The following CTTN variants were observed in gnomAD, a reference collection of about 807,000 sequenced individuals.
CTTN encodes the protein cortactin.
CTTN carries 28 observed loss-of-function variants against 84.0 expected under a neutral mutation model. That is an observed-to-expected ratio of 0.33 (90% confidence interval 0.25 to 0.46). The LOEUF is 0.46. Among genes scored for constraint, CTTN ranks in the 20% least tolerant of loss-of-function variants. The probability of loss-of-function intolerance (pLI) is 1.00; values close to 1 mark genes in which losing one functional copy is unlikely to be tolerated. For missense variants in CTTN, 641 were observed against 723.8 expected (o/e 0.89, Z 1.31); for synonymous variants, 301 against 288.8 (o/e 1.04, Z -0.43).
chr11:70,432,985 C>A (rs1268069649), intron 15 of CTTN, 116 bp from the exon 16 acceptor site: 9 of 1,147,072 alleles, frequency 7.8e-6, no homozygotes, highest in Non-Finnish European at 1.1e-5. Context: ...TTTCTCAGTC[C>A]TGGCTGGGAC....
intron 11 of CTTN, chr11:70,422,136 A>ACCATATG: frequency 3.6e-6 from 1 of 274,146 alleles, no homozygotes; most frequent in Non-Finnish European, 7.3e-6. Flanking sequence ...TGTGTGTAAC[A>ACCATATG]TCTCCACACA....
intron 12 of CTTN, 121 bp from the exon 13 acceptor site, chr11:70,425,211 G>A: frequency 1.4e-6 from 1 of 733,202 alleles, no homozygotes; most frequent in Non-Finnish European, 2.4e-6. Context: ...AGAGTGCTCT[G>A]GGCTGTGTGG....
chr11:70,433,734 A>G lies in CTTN; in HGVS notation c.1516+16A>G, dbSNP rs61885861. The G allele has an allele frequency of 9.8e-3, 15,647 of 1,598,412 alleles. 112 individuals carry two copies. The highest frequency in any genetic ancestry group is 0.011 in the Non-Finnish European group (13,053 of 1,165,740). On this transcript the variant is annotated intron_variant, in intron 17 of 17. Transcript: ENST00000301843. ...TACCAGGCTGGTGAGCGGCCTGCAAAAGCACTTGGAGGGGAGACCCAGGCA... is the reference window on the plus strand; with the variant it reads ...TACCAGGCTGGTGAGCGGCCTGCAAGAGCACTTGGAGGGGAGACCCAGGCA...
chr11:70,409,840 G>A lies in CTTN; in HGVS notation c.171G>A (p.Lys57=). The change falls in exon 5 of 18, where the codon AAG becomes AAA. Residue 57 remains lysine, a synonymous_variant. Transcript: ENST00000301843. ...CATCTCTTCCATCAAGCATACACAA[G>A]CTGAGGGAGAATGTCTTTCAAGAGC... ...SGHQEHINIH[K]LRENVFQEHQ... is the part of the protein sequence containing the mutation. 1 of 1,614,108 alleles carries A rather than the reference G, an allele frequency of 6.2e-7. No individual in the cohort carries two copies. Among genetic ancestry groups the A allele is most frequent in the Non-Finnish European group, 8.5e-7 (1 of 1,179,980 alleles).
rs373036539 is a variant in CTTN, at chr11:70,431,210, C to T, written c.1196C>T (p.Thr399Met). The change falls in exon 15 of 18, where the codon ACG becomes ATG. Residue 399 changes from threonine (T) to methionine (M), a missense_variant. This residue lies in a region of CTTN where 289 missense variants were observed against 273.1 expected (regional missense o/e 1.06). Transcript: ENST00000301843. ...TCACAGGAGCAAGCCAGAGCCAAAA[C>T]GCAAACGCCCCCTGTGTCGCCCGCA... The part of the protein sequence containing the change: ...RKLEEQARAK[T>M]QTPPVSPAPQ... 4.2e-5 allele frequency: 67 copies of T among 1,614,166 alleles called. No homozygotes were observed. The South Asian group carries it at 5.2e-4, about 12-fold the overall frequency.
intron 1 of CTTN, among the ~76,000 whole-genome samples, chr11:70,404,523 C>T (rs966941508): frequency 3.3e-5 from 5 of 152,160 alleles, no homozygotes; most frequent in East Asian, 1.9e-4. Context: ...TTTTTCCTCC[C>T]GGCCATATCA....
At chr11:70,412,176 C>T (rs1484020534) in intron 5 of CTTN, among the ~76,000 whole-genome samples, 1 of 152,184 alleles carries the variant, frequency 6.6e-6, no homozygotes, top group African/African-American at 2.4e-5. Context: ...CCTGTAATCC[C>T]AGCATTTTGG....
intron 12 of CTTN, 45 bp downstream of exon 12, chr11:70,423,040 G>A (rs761902535): frequency 6.2e-6 from 10 of 1,611,318 alleles, no homozygotes; most frequent in Non-Finnish European, 8.5e-6. Flanking sequence ...GCCTGCAGGG[G>A]CTCTTGGTGG....
At chr11:70,414,309 C>T (rs1203730151) in intron 5 of CTTN, among the ~76,000 whole-genome samples, 1 of 150,966 alleles carries the variant, frequency 6.6e-6, no homozygotes, top group South Asian at 2.1e-4. Flanking sequence ...CCCGCCACTG[C>T]ACTCCAGCCT....
At position 70,427,923 on chromosome 11, in the gene CTTN, A is replaced by G. The variant is rs1401730120; in HGVS notation, c.1028-1128A>G. Reference sequence around the variant, plus strand: ...CCCGTTGGCAACAAATACTCCAGTAATTTTTCTTGACACAATAGGCTTAGT... The same window carrying G: ...CCCGTTGGCAACAAATACTCCAGTAGTTTTTCTTGACACAATAGGCTTAGT... On this transcript the variant is annotated intron_variant, in intron 13 of 17. Coordinates refer to ENST00000301843, the MANE Select transcript of CTTN (RefSeq NM_005231.4). Among the ~76,000 whole-genome samples, 4 of 152,074 alleles carry G rather than the reference A, an allele frequency of 2.6e-5. No individual in the cohort carries two copies. In the East Asian group the frequency reaches 7.7e-4, roughly 29 times the overall value.
Position 70,434,961 on chromosome 11 carries a change from C to T in CTTN, c.1517-65C>T, listed in dbSNP as rs975864267. ...GCCTGGGAGCTTGCTCTGGGTTGTGCTTTTTTTCTGGCAGACCAGGAAACG... is the reference window on the plus strand; with the variant it reads ...GCCTGGGAGCTTGCTCTGGGTTGTGTTTTTTTTCTGGCAGACCAGGAAACG... On this transcript the variant is annotated intron_variant, in intron 17 of 17. Coordinates refer to ENST00000301843, the MANE Select transcript of CTTN (RefSeq NM_005231.4). The T allele has an allele frequency of 6.3e-6, 10 of 1,579,128 alleles. No homozygotes were observed. In the African/African-American group the frequency reaches 6.7e-5, roughly 11 times the overall value.
intron 13 of CTTN, among the ~76,000 whole-genome samples, chr11:70,426,896 G>A (rs1056301267): frequency 2.0e-5 from 3 of 149,438 alleles, no homozygotes; most frequent in Non-Finnish European, 4.4e-5. Context: ...CACTGTGCCC[G>A]GCCAAATTTT....
At chr11:70,418,170 G>A (rs528606006) in intron 8 of CTTN, among the ~76,000 whole-genome samples, 4 of 152,196 alleles carry the variant, frequency 2.6e-5, no homozygotes, top group Non-Finnish European at 4.4e-5. Flanking sequence ...TGGAAGATCC[G>A]ACCATGCTGG....
At chr11:70,418,754 G>A (rs1220931885) in intron 8 of CTTN, among the ~76,000 whole-genome samples, 1 of 152,004 alleles carries the variant, frequency 6.6e-6, no homozygotes, top group Non-Finnish European at 1.5e-5. Context: ...TGATGTTACA[G>A]GAATTCATCT....
In CTTN at chr11:70,409,972, G is replaced by GC; in HGVS notation, c.291+13dup. The GC allele has an allele frequency of 6.2e-7, 1 of 1,613,792 alleles. No homozygotes were observed. Among genetic ancestry groups the GC allele is most frequent in the Non-Finnish European group, 8.5e-7 (1 of 1,179,940 alleles). Reference sequence around the variant, plus strand: ...ACCGAATGGATAAGGTAAGTGGCCCGCGGCTGCCTATGCCAGGCTCCTGGT... The same window carrying GC: ...ACCGAATGGATAAGGTAAGTGGCCCGCCGGCTGCCTATGCCAGGCTCCTGGT... On this transcript the variant is annotated intron_variant, in intron 5 of 17. Transcript: ENST00000301843.
intron 14 of CTTN, among the ~76,000 whole-genome samples, chr11:70,430,273 C>T (rs971527634): frequency 6.6e-6 from 1 of 152,240 alleles, no homozygotes; most frequent in Non-Finnish European, 1.5e-5. Flanking sequence ...TGCCACCTCA[C>T]CCTCAGACTC....
chr11:70,415,818 G>A, intron 7 of CTTN, 101 bp downstream of exon 7: 1 of 1,189,420 alleles, frequency 8.4e-7, no homozygotes, highest in South Asian at 1.2e-5. Context: ...GGCCCTGATG[G>A]GGAGAGTCAC....
At chr11:70,426,678 C>T (rs922166203) in intron 13 of CTTN, among the ~76,000 whole-genome samples, 1 of 151,576 alleles carries the variant, frequency 6.6e-6, no homozygotes, top group Non-Finnish European at 1.5e-5. Flanking sequence ...CGCCTCCCAT[C>T]CCGGGTTCAC....
Position 70,431,181 on chromosome 11 carries a change from T to C in CTTN, c.1177-10T>C. 1.9e-6 allele frequency: 3 copies of C among 1,613,900 alleles called. No individual in the cohort carries two copies. The highest frequency in any genetic ancestry group is 2.5e-6 in the Non-Finnish European group (3 of 1,179,812). ...GCAGCATTCTGATTGCTGTTTGTTT[T>C]CAATCACAGGAGCAAGCCAGAGCCA... is the stretch of plus-strand genomic sequence containing the variant. On this transcript the variant is annotated splice_polypyrimidine_tract_variant and intron_variant, in intron 14 of 17. Coordinates refer to ENST00000301843, the MANE Select transcript of CTTN (RefSeq NM_005231.4).
Sources: allele counts gnomAD v4.1 joint callset (sites outside exome capture counted in the v4.1 genomes callset), GRCh38; gene constraint gnomAD v4.1.1; regional missense constraint gnomAD v4.1.1; transcripts MANE v1.5; gene names NCBI Gene and HGNC (gene_info 2026-07-23, HGNC 2026-07-21).